ASIC2: variants seen among roughly 807,000 people sequenced by gnomAD.
ASIC2 encodes acid-sensing ion channel 2.
In ASIC2, 25 loss-of-function variants were observed where a neutral mutation model predicts 57.3. The ratio of observed to expected loss-of-function variants is 0.44; its 90% CI spans 0.32 to 0.61. ASIC2 has a LOEUF of 0.61. Ranked by LOEUF, ASIC2 falls within the 20% of genes least tolerant of loss-of-function variation. The pLI is 0.06. For synonymous variants in ASIC2, 319 were observed against 307.5 expected (o/e 1.04, Z -0.39); for missense variants, 641 against 738.1 (o/e 0.87, Z 1.52).
chr17:33,546,675 G>A (rs1158676845), intron 1 of ASIC2, among the ~76,000 whole-genome samples: 2 of 152,154 alleles, frequency 1.3e-5, no homozygotes, highest in African/African-American at 4.8e-5. Flanking sequence ...GTGCCTTCCT[G>A]AGTCCTCATG....
chr17:33,608,499 C>G (rs1597805958), intron 1 of ASIC2, among the ~76,000 whole-genome samples: 1 of 152,254 alleles, frequency 6.6e-6, no homozygotes, highest in Non-Finnish European at 1.5e-5. Flanking sequence ...GTTCTGGCCA[C>G]TTGACTGCCC....
intron 1 of ASIC2, among the ~76,000 whole-genome samples, chr17:34,147,938 T>C (rs527494903): frequency 6.6e-6 from 1 of 152,340 alleles, no homozygotes; most frequent in African/African-American, 2.4e-5. Context: ...ATTCGGTCTT[T>C]GGGAGATTTT....
intron 1 of ASIC2, chr17:34,070,699 G>C (rs1479076148): frequency 6.6e-6 from 1 of 152,198 alleles, no homozygotes; most frequent in Non-Finnish European, 1.5e-5. Context: ...TGGGAGAAAA[G>C]AACAGCAAGG....
intron 1 of ASIC2, chr17:34,069,372 CCTTTTT>C (rs1358036020): frequency 1.5e-4 from 12 of 81,552 alleles, no homozygotes; most frequent in Non-Finnish European, 2.8e-4. Context: ...TTCTTTCTTT[CCTTTTT>C]TTCTCTTTCT....
At chr17:33,590,511 C>T (rs1270832125) in intron 1 of ASIC2, among the ~76,000 whole-genome samples, 1 of 151,966 alleles carries the variant, frequency 6.6e-6, no homozygotes. Context: ...AGGTAGAACA[C>T]CTTCAATGGC....
chr17:33,489,870 T>C (rs1225604124), intron 1 of ASIC2, among the ~76,000 whole-genome samples: 1 of 152,202 alleles, frequency 6.6e-6, no homozygotes, highest in Non-Finnish European at 1.5e-5. Context: ...GAGTGTATCT[T>C]AGTCCTGAGT....
intron 3 of ASIC2, among the ~76,000 whole-genome samples, chr17:33,077,989 TA>T (rs1303679775): frequency 6.6e-6 from 1 of 151,596 alleles, no homozygotes; most frequent in Non-Finnish European, 1.5e-5. Flanking sequence ...TTTCCCCCTT[TA>T]AAAAAAAGTC....
chr17:33,493,293 C>T, intron 1 of ASIC2, among the ~76,000 whole-genome samples: 2 of 152,134 alleles, frequency 1.3e-5, no homozygotes, highest in East Asian at 1.9e-4. Context: ...AATTTCCTGT[C>T]CTTCTTGTCA....
chr17:33,825,280 G>A (rs1912871819), intron 1 of ASIC2, among the ~76,000 whole-genome samples: 1 of 152,178 alleles, frequency 6.6e-6, no homozygotes, highest in African/African-American at 2.4e-5. Context: ...CACTGAGGCA[G>A]GAGGATGGGG....
chr17:33,977,921 C>CCAGG (rs2142002232), intron 1 of ASIC2, among the ~76,000 whole-genome samples: 1 of 152,310 alleles, frequency 6.6e-6, no homozygotes, highest in South Asian at 2.1e-4. Flanking sequence ...CAGCTGCCTG[C>CCAGG]CTGGCACATG....
chr17:33,780,313 G>C (rs1421877927), intron 1 of ASIC2, among the ~76,000 whole-genome samples: 1 of 152,044 alleles, frequency 6.6e-6, no homozygotes, highest in African/African-American at 2.4e-5. Context: ...TGCCTCCCCT[G>C]GGTGGCAGAC....
intron 1 of ASIC2, among the ~76,000 whole-genome samples, chr17:33,320,724 A>G (rs946099120): frequency 6.6e-6 from 1 of 152,206 alleles, no homozygotes; most frequent in Non-Finnish European, 1.5e-5. Flanking sequence ...ACAAACACCC[A>G]TCTTCTCTCT....
chr17:34,151,446 T>A (rs747097231), intron 1 of ASIC2, among the ~76,000 whole-genome samples: 7 of 152,180 alleles, frequency 4.6e-5, no homozygotes, highest in Non-Finnish European at 8.8e-5. Flanking sequence ...TATGACACAC[T>A]GCTATAAAAG....
rs181902308 is a variant in ASIC2, at chr17:33,842,305, A to C, written c.555+313673T>G. Among the ~76,000 whole-genome samples the C allele has an allele frequency of 3.9e-5, 6 of 152,288 alleles. No individual in the cohort carries two copies. In the East Asian group the frequency reaches 9.7e-4, roughly 25 times the overall value. Reference sequence around the variant, plus strand: ...TGGGGCCATGGGGATGGTGGTACTCAGATGTTTCTCATAGACAAGACATGG... The same window carrying C: ...TGGGGCCATGGGGATGGTGGTACTCCGATGTTTCTCATAGACAAGACATGG... On this transcript the variant is annotated intron_variant, in intron 1 of 9. Transcript: ENST00000359872.
intron 1 of ASIC2, among the ~76,000 whole-genome samples, chr17:34,058,294 T>G (rs1908844702): frequency 6.6e-6 from 1 of 152,194 alleles, no homozygotes; most frequent in Non-Finnish European, 1.5e-5. Context: ...ACATAAGCCC[T>G]TGCTGCATGT....
chr17:33,474,638 C>G (rs1286604983), intron 1 of ASIC2, among the ~76,000 whole-genome samples: 2 of 152,154 alleles, frequency 1.3e-5, no homozygotes, highest in Non-Finnish European at 2.9e-5. Context: ...GGGAGCCTGA[C>G]TTTGCCCTTT....
At chr17:33,556,160 G>C (rs1915900676) in intron 1 of ASIC2, among the ~76,000 whole-genome samples, 1 of 152,208 alleles carries the variant, frequency 6.6e-6, no homozygotes, top group African/African-American at 2.4e-5. Context: ...CAGAGATTAA[G>C]GGTCTGTGGG....
At chr17:34,090,136 C>T (rs1206761431) in intron 1 of ASIC2, among the ~76,000 whole-genome samples, 1 of 152,152 alleles carries the variant, frequency 6.6e-6, no homozygotes, top group East Asian at 1.9e-4. Context: ...GAGAGCTCTA[C>T]TGACATTTTA....
At chr17:33,901,411 C>T (rs370562129) in intron 1 of ASIC2, among the ~76,000 whole-genome samples, 2 of 152,060 alleles carry the variant, frequency 1.3e-5, no homozygotes, top group Middle Eastern at 3.2e-3. Context: ...CTAAGGTGAG[C>T]GGGGCTCAGG....
Sources: gnomAD v4.1 joint callset for allele counts (sites outside exome capture counted in the v4.1 genomes callset) on GRCh38, gnomAD v4.1.1 for gene constraint, MANE v1.5 for transcripts, NCBI Gene and HGNC (gene_info 2026-07-23, HGNC 2026-07-21) for gene names.